Variants in PLCB4 observed in about 807,000 individuals in gnomAD.
The protein encoded by PLCB4 is phospholipase C beta 4.
PLCB4 carries 77 observed loss-of-function variants against 178.8 expected under a neutral mutation model. The ratio of observed to expected loss-of-function variants is 0.43; its 90% CI spans 0.36 to 0.52. The LOEUF (loss-of-function observed/expected upper bound fraction) is 0.52, where lower values mean the gene tolerates loss of function less well. Among genes scored for constraint, PLCB4 ranks in the 20% least tolerant of loss-of-function variants. The pLI is 0.00. For synonymous variants in PLCB4, 496 were observed against 490.8 expected (o/e 1.01, Z -0.14); for missense variants, 1,024 against 1,453.4 (o/e 0.70, Z 4.80).
chr20:9,412,566 C>G (rs187777294), intron 25 of PLCB4, among the ~76,000 whole-genome samples: 2 of 152,274 alleles, frequency 1.3e-5, no homozygotes, highest in East Asian at 3.9e-4. Flanking sequence ...AAACCGAGTC[C>G]TTTCTGATGA....
chr20:9,192,375 G>A (rs2093415838), intron 2 of PLCB4, among the ~76,000 whole-genome samples: 1 of 152,106 alleles, frequency 6.6e-6, no homozygotes, highest in South Asian at 2.1e-4. Flanking sequence ...TTCTTAGGAG[G>A]TCTTTGGCAC....
chr20:9,382,658 C>T (rs929917412), intron 13 of PLCB4, among the ~76,000 whole-genome samples: 3 of 152,170 alleles, frequency 2.0e-5, no homozygotes, highest in Non-Finnish European at 4.4e-5. Context: ...CACACATGTA[C>T]GTGACCTCAG....
At chr20:9,378,697 A>G (rs1043113938) in intron 12 of PLCB4, among the ~76,000 whole-genome samples, 1 of 152,096 alleles carries the variant, frequency 6.6e-6, no homozygotes, top group African/African-American at 2.4e-5. Context: ...GTGAGCCATA[A>G]TTTCTTAGAT....
intron 2 of PLCB4, among the ~76,000 whole-genome samples, chr20:9,174,891 A>G (rs2093128308): frequency 6.6e-6 from 1 of 152,282 alleles, no homozygotes; most frequent in South Asian, 2.1e-4. Context: ...TCTATCCACA[A>G]ATTATTTGAG....
chr20:9,316,103 A>T (rs187819485), intron 4 of PLCB4, among the ~76,000 whole-genome samples: 5 of 152,238 alleles, frequency 3.3e-5, no homozygotes, highest in Admixed American at 3.3e-4. Context: ...GCATGGTAAG[A>T]GGAGAATTCT....
chr20:9,269,577 A>T (rs2094382643), intron 3 of PLCB4, among the ~76,000 whole-genome samples: 1 of 152,178 alleles, frequency 6.6e-6, no homozygotes, highest in South Asian at 2.1e-4. Flanking sequence ...TGCTGGATTT[A>T]AATTGAACGT....
chr20:9,134,166 A>G (rs921412009), intron 2 of PLCB4, among the ~76,000 whole-genome samples: 2 of 152,160 alleles, frequency 1.3e-5, no homozygotes, highest in Admixed American at 1.3e-4. Context: ...CCCAAGAGCT[A>G]TTGGTATAAT....
At chr20:9,277,103 G>T (rs528133369) in intron 3 of PLCB4, among the ~76,000 whole-genome samples, 1 of 152,024 alleles carries the variant, frequency 6.6e-6, no homozygotes, top group Non-Finnish European at 1.5e-5. Context: ...ACCTACTGCC[G>T]CTATGTGACT....
intron 25 of PLCB4, among the ~76,000 whole-genome samples, chr20:9,416,497 C>T (rs995391262): frequency 6.6e-6 from 1 of 152,182 alleles, no homozygotes; most frequent in Non-Finnish European, 1.5e-5. Flanking sequence ...CCATTGTTAC[C>T]TCCCCTCACA....
chr20:9,449,430 C>T (rs1268892603), intron 32 of PLCB4, among the ~76,000 whole-genome samples: 1 of 152,162 alleles, frequency 6.6e-6, no homozygotes, highest in African/African-American at 2.4e-5. Context: ...TGGGAGCACT[C>T]ATCTCTATCC....
At chr20:9,406,008 A>T (rs774949554) in intron 21 of PLCB4, among the ~76,000 whole-genome samples, 3 of 152,222 alleles carry the variant, frequency 2.0e-5, no homozygotes, top group Admixed American at 6.5e-5. Context: ...AACTTGAAAG[A>T]ATTATGAATA....
chr20:9,113,325 C>T (rs2091653250), intron 2 of PLCB4, among the ~76,000 whole-genome samples: 1 of 152,152 alleles, frequency 6.6e-6, no homozygotes, highest in East Asian at 1.9e-4. Flanking sequence ...ACTGGCAGTT[C>T]TCCAAGAGAA....
Position 9,480,389 on chromosome 20 carries a change from T to C in PLCB4, c.*1380T>C, listed in dbSNP as rs918542081. The C allele has an allele frequency of 1.3e-5, 2 of 152,614 alleles. No individual in the cohort carries two copies. The highest frequency in any genetic ancestry group is 4.8e-5 in the African/African-American group (2 of 41,426). The allele number at this position is 152,614 out of a possible 1,614,324, so 9.5% of individuals were successfully genotyped here. A position where few individuals can be genotyped will look rare whatever the true frequency, so the allele number is the denominator to read the frequency against. The stretch of plus-strand genomic sequence containing the variant: ...GCTTGTAAAAATTGATTCTGTGTGT[T>C]CCTCTGAACAAAGCGGAGAAAATGA... On this transcript the variant is annotated 3_prime_UTR_variant, in exon 40 of 40. Coordinates refer to ENST00000378473, the MANE Select transcript of PLCB4 (RefSeq NM_001377142.1).
At position 9,425,655 on chromosome 20, in the gene PLCB4, T is replaced by A. The variant is rs1018630824; in HGVS notation, c.2524+1703T>A. On this transcript the variant is annotated intron_variant, in intron 28 of 39. Coordinates refer to ENST00000378473, the MANE Select transcript of PLCB4 (RefSeq NM_001377142.1). ...TAATATTAGTCCTGCCAGTATTCTT[T>A]CCTAACATGTCATTGTGGCTGCTTA... Among the ~76,000 whole-genome samples the A allele has an allele frequency of 5.3e-5, 8 of 152,250 alleles. No homozygotes were observed. The South Asian group carries it at 8.3e-4, about 16-fold the overall frequency.
At chr20:9,428,655 A>G (rs1414676213) in intron 28 of PLCB4, among the ~76,000 whole-genome samples, 2 of 152,038 alleles carry the variant, frequency 1.3e-5, no homozygotes, top group African/African-American at 4.8e-5. Flanking sequence ...TCAGCACCAC[A>G]TTGCAGCTGA....
chr20:9,307,532 CACACACACACACACAT>C (rs1490929826), intron 3 of PLCB4, among the ~76,000 whole-genome samples: 3 of 143,844 alleles, frequency 2.1e-5, no homozygotes, highest in Non-Finnish European at 4.7e-5. Flanking sequence ...CACACACACA[CACACACACACACACAT>C]CTTGTTATTT....
chr20:9,161,370 A>G (rs2092884633), intron 2 of PLCB4, among the ~76,000 whole-genome samples: 2 of 152,206 alleles, frequency 1.3e-5, no homozygotes, highest in Non-Finnish European at 1.5e-5. Flanking sequence ...TTTATAGGGA[A>G]GATAACGTTG....
At chr20:9,426,518 C>T (rs1352138861) in intron 28 of PLCB4, among the ~76,000 whole-genome samples, 1 of 152,088 alleles carries the variant, frequency 6.6e-6, no homozygotes, top group Non-Finnish European at 1.5e-5. Flanking sequence ...GCTAGAACTA[C>T]AGGCGTGCAC....
At chr20:9,195,293 G>A (rs529286915) in intron 2 of PLCB4, among the ~76,000 whole-genome samples, 71 of 152,334 alleles carry the variant, frequency 4.7e-4, no homozygotes, top group Admixed American at 7.8e-4. Flanking sequence ...TCCAGATGAT[G>A]CAGATGCTGC....
Sources: gnomAD v4.1 joint callset for allele counts (sites outside exome capture counted in the v4.1 genomes callset) on GRCh38, gnomAD v4.1.1 for gene constraint, MANE v1.5 for transcripts, NCBI Gene and HGNC (gene_info 2026-07-23, HGNC 2026-07-21) for gene names.